The following PRRC2C variants were observed in gnomAD, a reference collection of about 807,000 sequenced individuals.
PRRC2C encodes protein PRRC2C.
In PRRC2C, 72 loss-of-function variants were observed where a neutral mutation model predicts 317.2. The observed-to-expected ratio is 0.23, with a 90% CI of 0.19 to 0.28. The LOEUF (loss-of-function observed/expected upper bound fraction) is 0.28. Among genes scored for constraint, PRRC2C ranks in the 10% least tolerant of loss-of-function variants. PRRC2C has a pLI of 1.00. For missense variants in PRRC2C, 3,074 were observed against 3,459.7 expected (o/e 0.89, Z 2.80); for synonymous variants, 1,296 against 1,205.9 (o/e 1.07, Z -1.55).
Position 171,561,052 on chromosome 1 carries a change from C to T in PRRC2C, c.6066C>T (p.Val2022=). 2 of 1,608,530 alleles carry T rather than the reference C, an allele frequency of 1.2e-6. No individual in the cohort carries two copies. The stretch of plus-strand genomic sequence containing the variant: ...TTAGTCCACCACAGCCACCTTCAGT[C>T]AGTGCATGGAATAAGCCCTTAACAT... ...GPISPPQPPS[V]SAWNKPLTSF... Residue 2022 remains valine, a synonymous_variant, in exon 20 of 35, where the codon GTC becomes GTT. Coordinates refer to ENST00000647382, the MANE Select transcript of PRRC2C (RefSeq NM_001387844.1).
At chr1:171,529,717 A>G (rs1229681656) in intron 11 of PRRC2C, among the ~76,000 whole-genome samples, 4 of 152,198 alleles carry the variant, frequency 2.6e-5, no homozygotes, top group African/African-American at 9.7e-5. Flanking sequence ...TTGTCTTTTT[A>G]AAACTATGGA....
chr1:171,510,223 T>G (rs1301964362), intron 1 of PRRC2C: 1 of 152,196 alleles, frequency 6.6e-6, no homozygotes, highest in African/African-American at 2.4e-5. Flanking sequence ...TACAGGTTGG[T>G]TTGGAGATTT....
chr1:171,522,733 C>T (rs903461868), intron 7 of PRRC2C, among the ~76,000 whole-genome samples: 4 of 152,146 alleles, frequency 2.6e-5, no homozygotes, highest in African/African-American at 9.7e-5. Flanking sequence ...GAGATTGTGC[C>T]ATTACACTCC....
chr1:171,514,265 T>C (rs1671922087), intron 3 of PRRC2C, among the ~76,000 whole-genome samples: 1 of 35,724 alleles, frequency 2.8e-5, no homozygotes, highest in East Asian at 1.3e-3. Context: ...TGTGTGTATG[T>C]GTGTGTGTGT....
chr1:171,591,389 T>TTTAA, intron 34 of PRRC2C, 198 bp from the exon 35 acceptor site: 12 of 594,912 alleles, frequency 2.0e-5, no homozygotes, highest in Middle Eastern at 5.8e-4. Context: ...TTTTTTTTTT[T>TTTAA]AAATCACATG....
At chr1:171,510,690 CAGGTTGTCGGTTGTCTCA>C (rs1671205502) in intron 1 of PRRC2C, 1 of 152,026 alleles carries the variant, frequency 6.6e-6, no homozygotes, top group African/African-American at 2.4e-5. Context: ...AGTCTTTTTT[CAGGTTGTCGGTTGTCTCA>C]AGGAAAGATG....
chr1:171,577,865 C>T (rs1028523283), intron 26 of PRRC2C, among the ~76,000 whole-genome samples: 7 of 149,416 alleles, frequency 4.7e-5, no homozygotes, highest in Non-Finnish European at 7.4e-5. Context: ...GCCACCTCCA[C>T]CTCCCAGGTT....
At chr1:171,531,065 T>C (rs1675766794) in intron 11 of PRRC2C, among the ~76,000 whole-genome samples, 1 of 152,168 alleles carries the variant, frequency 6.6e-6, no homozygotes, top group African/African-American at 2.4e-5. Flanking sequence ...AAACTACTTA[T>C]ACATAAAATA....
In PRRC2C at chr1:171,517,723, A is replaced by G. The variant is rs1358701832; in HGVS notation, c.659A>G (p.Glu220Gly). The change falls in exon 6 of 35, where the codon GAA (glutamate) becomes GGA (glycine). Residue 220 changes from glutamate to glycine, a missense_variant. Glu to Gly is a moderately conservative substitution (Grantham distance 98). Around this residue, in one of 11 missense-constraint regions of PRRC2C, gnomAD observed 237 missense variants for 199.5 expected, o/e 1.19. Coordinates refer to ENST00000647382, the MANE Select transcript of PRRC2C (RefSeq NM_001387844.1). ...CAAAATGATATCCTCAAAGTGGTGG[A>G]AAAGAGGATAGCTTGTGGTCCTCCA... is the stretch of plus-strand genomic sequence containing the variant. ...SEQNDILKVV[E>G]KRIACGPPQA... 2 of 1,613,670 alleles carry G rather than the reference A, an allele frequency of 1.2e-6. No individual in the cohort carries two copies. Among genetic ancestry groups the G allele is most frequent in the African/African-American group, 2.7e-5 (2 of 74,854 alleles).
chr1:171,538,600 G>A (rs750308102), intron 15 of PRRC2C, among the ~76,000 whole-genome samples: 10 of 152,064 alleles, frequency 6.6e-5, no homozygotes, highest in Non-Finnish European at 1.3e-4. Context: ...TTACTCAAGT[G>A]TACTCTTTCA....
At position 171,558,018 on chromosome 1, in the gene PRRC2C, A is replaced by G. The variant is rs1681783290; in HGVS notation, c.5906A>G (p.Asn1969Ser). ...AGGCTGCCTTCAGCTCAAACACCTA[A>G]TGGCACAGATTATGTAGCCTCAGGA... ...SIRLPSAQTP[N>S]GTDYVASGKS... Residue 1969 changes from asparagine to serine, a missense_variant, in exon 19 of 35, where the codon AAT (asparagine) becomes AGT (serine). Asn to Ser is a conservative substitution (Grantham distance 46, BLOSUM62 1). Transcript: ENST00000647382. 5 of 1,613,974 alleles carry G rather than the reference A, an allele frequency of 3.1e-6. No homozygotes were observed. The highest frequency in any genetic ancestry group is 4.2e-6 in the Non-Finnish European group (5 of 1,179,882).
intron 24 of PRRC2C, among the ~76,000 whole-genome samples, chr1:171,573,403 T>C (rs1424836088): frequency 2.0e-5 from 3 of 152,180 alleles, no homozygotes; most frequent in Admixed American, 6.5e-5. Context: ...TCTGTCAACT[T>C]GCCGTAAACC....
intron 1 of PRRC2C, among the ~76,000 whole-genome samples, chr1:171,499,945 A>G (rs924530347): frequency 6.6e-6 from 1 of 152,268 alleles, no homozygotes; most frequent in Non-Finnish European, 1.5e-5. Flanking sequence ...ATACTTGACT[A>G]TTATCAATTA....
intron 20 of PRRC2C, among the ~76,000 whole-genome samples, chr1:171,564,379 C>CA (rs1683231659): frequency 6.6e-6 from 1 of 152,156 alleles, no homozygotes; most frequent in Non-Finnish European, 1.5e-5. Flanking sequence ...TTTTTCTACT[C>CA]ATTTAAATAT....
At chr1:171,487,064 A>G (rs903779020) in intron 1 of PRRC2C, among the ~76,000 whole-genome samples, 12 of 152,234 alleles carry the variant, frequency 7.9e-5, no homozygotes, top group African/African-American at 2.4e-5. Context: ...TTTTCAGAAT[A>G]TAGCCTTTTT....
Position 171,550,108 on chromosome 1 carries a change from T to C in PRRC2C, c.4995T>C (p.His1665=). Residue 1665 remains histidine (H), a synonymous_variant, in exon 18 of 35, where the codon CAT becomes CAC. Coordinates refer to ENST00000647382, the MANE Select transcript of PRRC2C (RefSeq NM_001387844.1). ...CAGGTGTTGTTATAATTGATGATCATCCTGAAGTAACAGTAATTGAAGATC... is the reference window on the plus strand; with the variant it reads ...CAGGTGTTGTTATAATTGATGATCACCCTGAAGTAACAGTAATTGAAGATC... The part of the protein sequence containing the change: ...NYASVVIIDD[H]PEVTVIEDPQ... The C allele has an allele frequency of 6.2e-7, 1 of 1,606,770 alleles. No individual in the cohort carries two copies. Among genetic ancestry groups the C allele is most frequent in the Non-Finnish European group, 8.5e-7 (1 of 1,176,512 alleles).
At chr1:171,560,425 C>CT (rs1241576679) in intron 19 of PRRC2C, among the ~76,000 whole-genome samples, 2 of 151,796 alleles carry the variant, frequency 1.3e-5, no homozygotes, top group Non-Finnish European at 2.9e-5. Context: ...GAAAGAAGTT[C>CT]TACCATATGG....
intron 17 of PRRC2C, among the ~76,000 whole-genome samples, chr1:171,546,070 T>A (rs535015855): frequency 6.6e-6 from 1 of 152,302 alleles, no homozygotes; most frequent in East Asian, 1.9e-4. Flanking sequence ...AACTAAATGT[T>A]AAACTCAATA....
intron 6 of PRRC2C, among the ~76,000 whole-genome samples, chr1:171,518,661 CTTTTTTTTTTTTT>C (rs386368727): frequency 1.7e-5 from 1 of 58,142 alleles, no homozygotes; most frequent in Admixed American, 2.4e-4. Flanking sequence ...CCACACCTGG[CTTTTTTTTTTTTT>C]TTTTTTTTGG....
Sources: allele counts gnomAD v4.1 joint callset (sites outside exome capture counted in the v4.1 genomes callset), GRCh38; gene constraint gnomAD v4.1.1; regional missense constraint gnomAD v4.1.1; transcripts MANE v1.5; gene names NCBI Gene and HGNC (gene_info 2026-07-23, HGNC 2026-07-21).